The following NOS1AP variants were observed in gnomAD, a reference collection of about 807,000 sequenced individuals.
NOS1AP encodes carboxyl-terminal PDZ ligand of neuronal nitric oxide synthase protein.
In NOS1AP, 21 loss-of-function variants were observed where a neutral mutation model predicts 56.2. The ratio of observed to expected loss-of-function variants is 0.37; its 90% confidence interval spans 0.26 to 0.54. The LOEUF (loss-of-function observed/expected upper bound fraction) is 0.54, where lower values mean the gene tolerates loss of function less well. Ranked by LOEUF, NOS1AP falls within the 20% of genes least tolerant of loss-of-function variation. The pLI, the probability that NOS1AP is intolerant of heterozygous loss-of-function variation, is 0.84. For missense variants in NOS1AP, 522 were observed against 657.8 expected (o/e 0.79, Z 2.26); for synonymous variants, 270 against 274.6 (o/e 0.98, Z 0.17).
At chr1:162,253,189 T>C (rs1209498038) in intron 2 of NOS1AP, among the ~76,000 whole-genome samples, 1 of 152,198 alleles carries the variant, frequency 6.6e-6, no homozygotes, top group Non-Finnish European at 1.5e-5. Context: ...TCTTGTTCTC[T>C]TTCTCTCTTG....
chr1:162,195,994 G>C (rs543323287), intron 2 of NOS1AP, among the ~76,000 whole-genome samples: 2 of 152,296 alleles, frequency 1.3e-5, no homozygotes, highest in South Asian at 4.1e-4. Context: ...AAATAAATTA[G>C]ACTATTGGAC....
At chr1:162,359,498 G>A (rs1460199166) in intron 8 of NOS1AP, among the ~76,000 whole-genome samples, 1 of 152,212 alleles carries the variant, frequency 6.6e-6, no homozygotes. Context: ...CTGTCCTGCA[G>A]ACGGATTCGG....
rs768031947 is a variant in NOS1AP, at chr1:162,319,507, T to C, written c.345-13510T>C. Reference sequence around the variant, plus strand: ...TCCTTCTGTCCCCATCTCCCACCAGTCCTTCTGTATGCCCTGCAATCCCTG... The same window carrying C: ...TCCTTCTGTCCCCATCTCCCACCAGCCCTTCTGTATGCCCTGCAATCCCTG... On this transcript the variant is annotated intron_variant, in intron 4 of 9. Transcript: ENST00000361897. Among the ~76,000 whole-genome samples, 18 of 152,158 alleles carry C rather than the reference T, an allele frequency of 1.2e-4. No individual in the cohort carries two copies. The East Asian group carries it at 1.4e-3, about 11-fold the overall frequency.
intron 1 of NOS1AP, among the ~76,000 whole-genome samples, chr1:162,147,331 C>CAAAAAAAAAAAAAAAAAAAAA (rs572205161): frequency 1.3e-5 from 1 of 74,860 alleles, no homozygotes; most frequent in Non-Finnish European, 2.9e-5. Flanking sequence ...GACTCCGTCT[C>CAAAAAAAAAAAAAAAAAAAAA]AAAAAAAAAA....
In NOS1AP at chr1:162,370,198, A is replaced by G. The variant is rs1462274379; in HGVS notation, c.*2731A>G. 6.6e-6 allele frequency: 1 copy of G among 152,186 alleles called. No homozygotes were observed. Among genetic ancestry groups the G allele is most frequent in the African/African-American group, 2.4e-5 (1 of 41,436 alleles). The allele number at this position is 152,186 out of a possible 1,614,324, so 9.4% of individuals were successfully genotyped here. ...TGAGATTAAAAATTATATTCCTTATATTCCTGCTTATATCAATGCTCTCTC... is the reference window on the plus strand; with the variant it reads ...TGAGATTAAAAATTATATTCCTTATGTTCCTGCTTATATCAATGCTCTCTC... On this transcript the variant is annotated 3_prime_UTR_variant, in exon 10 of 10. Transcript: ENST00000361897.
intron 2 of NOS1AP, among the ~76,000 whole-genome samples, chr1:162,206,965 G>A (rs148911564): frequency 6.6e-6 from 1 of 152,254 alleles, no homozygotes; most frequent in Non-Finnish European, 1.5e-5. Flanking sequence ...TTGTGCTGTT[G>A]CAGCTGCTGC....
chr1:162,091,372 T>C (rs1384227325), intron 1 of NOS1AP, among the ~76,000 whole-genome samples: 1 of 152,202 alleles, frequency 6.6e-6, no homozygotes, highest in Non-Finnish European at 1.5e-5. Flanking sequence ...CCTTTGATTG[T>C]TCCCACATAG....
intron 2 of NOS1AP, among the ~76,000 whole-genome samples, chr1:162,220,596 GC>G (rs1652737687): frequency 6.6e-6 from 1 of 152,194 alleles, no homozygotes; most frequent in South Asian, 2.1e-4. Flanking sequence ...TCCTAGGGCT[GC>G]TGTTTGTTTG....
chr1:162,124,618 G>A (rs1013816937), intron 1 of NOS1AP, among the ~76,000 whole-genome samples: 2 of 151,972 alleles, frequency 1.3e-5, no homozygotes, highest in Non-Finnish European at 2.9e-5. Context: ...TGCCTCCCAG[G>A]TTCAAGCGAT....
At chr1:162,173,389 C>A (rs1263359611) in intron 2 of NOS1AP, among the ~76,000 whole-genome samples, 2 of 152,040 alleles carry the variant, frequency 1.3e-5, no homozygotes, top group African/African-American at 4.8e-5. Context: ...AAACTGGATC[C>A]CTTCCTTACA....
At chr1:162,294,244 G>A (rs1379429574) in intron 3 of NOS1AP, among the ~76,000 whole-genome samples, 1 of 145,176 alleles carries the variant, frequency 6.9e-6, no homozygotes, top group Non-Finnish European at 1.5e-5. Context: ...AGGAAGGAAG[G>A]ATAGCAAAAG....
intron 1 of NOS1AP, among the ~76,000 whole-genome samples, chr1:162,098,355 T>G (rs1490129279): frequency 6.6e-6 from 1 of 152,076 alleles, no homozygotes; most frequent in Admixed American, 6.6e-5. Flanking sequence ...GATCTACCAG[T>G]CTCAGCCTCC....
chr1:162,365,586 C>T lies in NOS1AP; in HGVS notation c.1105+17C>T. The T allele has an allele frequency of 6.2e-7, 1 of 1,607,098 alleles. No individual in the cohort carries two copies. Among genetic ancestry groups the T allele is most frequent in the Non-Finnish European group, 8.5e-7 (1 of 1,179,976 alleles). On this transcript the variant is annotated intron_variant, in intron 9 of 9. Coordinates refer to ENST00000361897, the MANE Select transcript of NOS1AP (RefSeq NM_014697.3). Reference sequence around the variant, plus strand: ...AGAACGCCAGTAAGCCAGTGCCCTGCCCAGCCCTGCTTCCTCTGTGAAGGC... The same window carrying T: ...AGAACGCCAGTAAGCCAGTGCCCTGTCCAGCCCTGCTTCCTCTGTGAAGGC...
chr1:162,089,129 G>T (rs1692071910), intron 1 of NOS1AP, among the ~76,000 whole-genome samples: 1 of 152,178 alleles, frequency 6.6e-6, no homozygotes, highest in Non-Finnish European at 1.5e-5. Flanking sequence ...GCCATTGTCT[G>T]TAGGTCTTTT....
At chr1:162,095,648 G>A (rs779528132) in intron 1 of NOS1AP, among the ~76,000 whole-genome samples, 3 of 152,146 alleles carry the variant, frequency 2.0e-5, no homozygotes, top group Non-Finnish European at 4.4e-5. Context: ...CTGCCAACAC[G>A]CCTGTATGTG....
In NOS1AP at chr1:162,367,254, C is replaced by G. The variant is rs745790776; in HGVS notation, c.1308C>G (p.Pro436=). The G allele has an allele frequency of 6.2e-7, 1 of 1,613,724 alleles. No homozygotes were observed. The highest frequency in any genetic ancestry group is 8.5e-7 in the Non-Finnish European group (1 of 1,179,962). Residue 436 remains proline, a synonymous_variant, in exon 10 of 10, where the codon CCC becomes CCG. Transcript: ENST00000361897. The surrounding 1 kb of genome is among the most constrained non-coding windows in gnomAD (Gnocchi z 6.5). ...VKLECFRFLP[P]EDTPPPAQGE... is the part of the protein sequence containing the mutation. ...TGGAGTGCTTTCGCTTTCTTCCGCC[C>G]GAGGACACCCCGCCCCCAGCGCAGG...
chr1:162,116,330 C>T (rs1490449334), intron 1 of NOS1AP, among the ~76,000 whole-genome samples: 2 of 152,132 alleles, frequency 1.3e-5, no homozygotes, highest in Admixed American at 6.5e-5. Flanking sequence ...ACGGGCTGCT[C>T]CCCAGTAAAT....
At chr1:162,204,892 TA>T (rs1447607217) in intron 2 of NOS1AP, among the ~76,000 whole-genome samples, 10 of 152,138 alleles carry the variant, frequency 6.6e-5, no homozygotes, top group Admixed American at 6.5e-4. Flanking sequence ...GATTTGTTTA[TA>T]GGGGTAGGAC....
intron 2 of NOS1AP, among the ~76,000 whole-genome samples, chr1:162,221,553 C>G (rs1453063413): frequency 6.6e-6 from 1 of 151,318 alleles, no homozygotes; most frequent in Non-Finnish European, 1.5e-5. Context: ...CACACACACA[C>G]ACACACACAC....
Sources: gnomAD v4.1 joint callset for allele counts (sites outside exome capture counted in the v4.1 genomes callset) on GRCh38, gnomAD v4.1.1 for gene constraint, Gnocchi (gnomAD v3.1) non-coding constraint, MANE v1.5 for transcripts, NCBI Gene and HGNC (gene_info 2026-07-23, HGNC 2026-07-21) for gene names.